Variants in ERICH1 observed in about 807,000 individuals in gnomAD.
ERICH1 encodes glutamate-rich protein 1.
ERICH1 carries 56 observed loss-of-function variants against 39.6 expected under a neutral mutation model. That is an observed-to-expected ratio of 1.41 (90% CI 1.14 to 1.77). The LOEUF (loss-of-function observed/expected upper bound fraction) is 1.77. Ranked by LOEUF, ERICH1 falls within the 40% of genes most tolerant of loss-of-function variation. The pLI is 0.00. For missense variants in ERICH1, 826 were observed against 575.4 expected, an observed-to-expected ratio of 1.44 and a Z score of -4.45; for synonymous variants, 313 against 223.6, an observed-to-expected ratio of 1.40 and a Z score of -3.57.
chr8:668,515 T>G, intron 5 of ERICH1, 83 bp downstream of exon 5: 1 of 1,445,818 alleles, frequency 6.9e-7, no homozygotes, highest in Non-Finnish European at 9.7e-7. Context: ...TCATTGCTGT[T>G]TTGGTGGCGT....
intron 3 of ERICH1, among the ~76,000 whole-genome samples, chr8:623,009 A>G (rs775366108): frequency 6.6e-6 from 1 of 151,018 alleles, no homozygotes; most frequent in Admixed American, 6.6e-5. Context: ...ATCAATACCA[A>G]TACTGTCAAT....
intron 3 of ERICH1, among the ~76,000 whole-genome samples, chr8:689,539 G>T (rs988614613): frequency 6.6e-6 from 1 of 152,248 alleles, no homozygotes; most frequent in Admixed American, 6.5e-5. Context: ...TCCTCCTGGA[G>T]GTGTCTGGCA....
At chr8:722,728 G>C (rs963876761) in intron 1 of ERICH1, among the ~76,000 whole-genome samples, 2 of 152,188 alleles carry the variant, frequency 1.3e-5, no homozygotes, top group Admixed American at 1.3e-4. Context: ...TTATAAACTG[G>C]TGTCTGTTGG....
Position 692,578 on chromosome 8 carries a change from G to A in ERICH1, c.204C>T (p.Leu68=). The change falls in exon 3 of 6, where the codon CTC becomes CTT. Residue 68 remains leucine, a synonymous_variant. Transcript: ENST00000262109. ...TGSETPTARR[L]YTASGPPEGY... is the part of the protein sequence containing the mutation. ...CCTCAGGAGGCCCGCTGGCAGTGTA[G>A]AGCCGTCGGGCAGTCGGGGTCTCAG... The A allele has an allele frequency of 6.2e-7, 1 of 1,611,004 alleles. No homozygotes were observed. The highest frequency in any genetic ancestry group is 8.5e-7 in the Non-Finnish European group (1 of 1,178,408).
chr8:635,101 TAA>T (rs35192955), intron 3 of ERICH1, among the ~76,000 whole-genome samples: 8 of 144,966 alleles, frequency 5.5e-5, no homozygotes, highest in Admixed American at 1.4e-4. Flanking sequence ...GCCACTCAGC[TAA>T]AAAAAAAAAG....
intron 3 of ERICH1, among the ~76,000 whole-genome samples, chr8:620,933 C>G (rs764858940): frequency 6.6e-6 from 1 of 152,188 alleles, no homozygotes; most frequent in Admixed American, 6.5e-5. Context: ...TAACCAGCAT[C>G]TACAGAACAC....
In ERICH1 at chr8:673,597, T is replaced by C. The variant is rs1803955082; in HGVS notation, c.755A>G (p.Asp252Gly). Residue 252 changes from aspartate to glycine, a missense_variant, in exon 4 of 6, where the codon GAC becomes GGC. Asp to Gly is a moderately conservative substitution (Grantham distance 94). Transcript: ENST00000262109. ...LTRARQEEGA[D>G]ASEEDPTPAG... ...CGGTGTCGGATCTTCCTCACTGGCGTCCGCACCCTCTTCCTGCCTGGCCCG... is the reference window on the plus strand; with the variant it reads ...CGGTGTCGGATCTTCCTCACTGGCGCCCGCACCCTCTTCCTGCCTGGCCCG... 1.3e-6 allele frequency: 2 copies of C among 1,550,696 alleles called. No homozygotes were observed. Among genetic ancestry groups the C allele is most frequent in the Non-Finnish European group, 1.8e-6 (2 of 1,128,738 alleles).
intron 3 of ERICH1, among the ~76,000 whole-genome samples, chr8:650,092 C>A (rs1466516178): frequency 1.3e-5 from 2 of 152,224 alleles, no homozygotes; most frequent in African/African-American, 4.8e-5. Flanking sequence ...AGAACAAGGC[C>A]GGAAGGTTGC....
At chr8:710,586 A>G (rs774018698) in intron 2 of ERICH1, among the ~76,000 whole-genome samples, 1 of 152,200 alleles carries the variant, frequency 6.6e-6, no homozygotes, top group Non-Finnish European at 1.5e-5. Flanking sequence ...GGGTCTCCTC[A>G]GTTTTGCTTT....
At chr8:656,821 TG>T in intron 3 of ERICH1, 1 of 985,460 alleles carries the variant, frequency 1.0e-6, no homozygotes, top group Non-Finnish European at 1.2e-6. Context: ...TCCCTCACTC[TG>T]AAGAGCCCCC....
intron 3 of ERICH1, among the ~76,000 whole-genome samples, chr8:658,886 C>T (rs957798475): frequency 2.6e-5 from 4 of 152,212 alleles, no homozygotes; most frequent in Admixed American, 1.3e-4. Flanking sequence ...GGCCGTCCTT[C>T]CTCTGCCTTT....
At chr8:633,993 A>C (rs6995637) in intron 3 of ERICH1, among the ~76,000 whole-genome samples, 2,836 of 152,292 alleles carry the variant, frequency 0.019, 80 homozygotes, top group African/African-American at 0.064. Context: ...GGTGACACCA[A>C]AGGCCCAGGC....
At chr8:619,357 C>A (rs767246523) in intron 3 of ERICH1, among the ~76,000 whole-genome samples, 3 of 152,182 alleles carry the variant, frequency 2.0e-5, no homozygotes, top group Non-Finnish European at 4.4e-5. Context: ...TTGTAAAAGA[C>A]AGTATAACAT....
At position 673,726 on chromosome 8, in the gene ERICH1, T is replaced by C. The variant is rs1804007777; in HGVS notation, c.626A>G (p.Asp209Gly). 2 of 1,614,164 alleles carry C rather than the reference T, an allele frequency of 1.2e-6. No individual in the cohort carries two copies. The highest frequency in any genetic ancestry group is 1.3e-5 in the African/African-American group (1 of 75,068). The change falls in exon 4 of 6, where the codon GAT becomes GGT. Residue 209 changes from aspartate (D) to glycine (G), a missense_variant. Coordinates refer to ENST00000262109, the MANE Select transcript of ERICH1 (RefSeq NM_207332.3). Reference protein sequence around the residue: ...GEGVGEACEEDGVDTSEEDPT... With the variant: ...GEGVGEACEEGGVDTSEEDPT... ...GTCTTCCTCGCTGGTGTCCACACCA[T>C]CCTCCTCACAAGCCTCTCCCACGCC...
At chr8:716,691 C>A (rs1018865242) in intron 1 of ERICH1, among the ~76,000 whole-genome samples, 1 of 152,196 alleles carries the variant, frequency 6.6e-6, no homozygotes, top group African/African-American at 2.4e-5. Context: ...AATAAACAGG[C>A]AGCTGCTTTG....
At chr8:672,690 A>G (rs144866883) in intron 4 of ERICH1, among the ~76,000 whole-genome samples, 20 of 152,360 alleles carry the variant, frequency 1.3e-4, no homozygotes, top group Non-Finnish European at 4.4e-5. Flanking sequence ...AGCTGTCAAC[A>G]AAGCGTAGTG....
intron 3 of ERICH1, among the ~76,000 whole-genome samples, chr8:684,542 G>A (rs1424280486): frequency 2.0e-5 from 3 of 152,072 alleles, no homozygotes; most frequent in Non-Finnish European, 4.4e-5. Flanking sequence ...TTTACTTCAC[G>A]GGTTTTCAGT....
At chr8:658,292 G>T (rs1246706520) in intron 3 of ERICH1, among the ~76,000 whole-genome samples, 1 of 152,144 alleles carries the variant, frequency 6.6e-6, no homozygotes, top group Admixed American at 6.5e-5. Context: ...CTGGTTCCCT[G>T]CAGGAAGAAG....
chr8:705,838 G>A (rs1237599213), intron 2 of ERICH1, among the ~76,000 whole-genome samples: 2 of 152,354 alleles, frequency 1.3e-5, no homozygotes, highest in East Asian at 3.9e-4. Context: ...ACTGGTGAAA[G>A]GCTGGCCGCA....
Sources: gnomAD v4.1 joint callset for allele counts (sites outside exome capture counted in the v4.1 genomes callset) on GRCh38, gnomAD v4.1.1 for gene constraint, MANE v1.5 for transcripts, NCBI Gene and HGNC (gene_info 2026-07-23, HGNC 2026-07-21) for gene names.